Variants in NLGN4X observed in about 807,000 individuals in gnomAD.
NLGN4X encodes the protein neuroligin 4 X-linked, also known as neuroligin-4, X-linked.
In NLGN4X, 3 loss-of-function variants were observed where a neutral mutation model predicts 40.3. The ratio of observed to expected loss-of-function variants is 0.07; its 90% CI spans 0.03 to 0.19. NLGN4X has a LOEUF of 0.19. Among genes scored for constraint, NLGN4X ranks in the 10% least tolerant of loss-of-function variants. NLGN4X has a pLI of 1.00. For synonymous variants in NLGN4X, 270 were observed against 306.8 expected (o/e 0.88, Z 1.25); for missense variants, 382 against 708.3 (o/e 0.54, Z 5.23).
chrX:5,945,437 C>T (rs1435191235), intron 3 of NLGN4X, among the ~76,000 whole-genome samples: 1 of 112,176 alleles, frequency 8.9e-6, no homozygotes, highest in Non-Finnish European at 1.9e-5. Flanking sequence ...AAGGTCCCGG[C>T]ATAAGAAAGT....
chrX:6,177,875 T>G (rs1196515040), intron 1 of NLGN4X, among the ~76,000 whole-genome samples: 3 of 109,253 alleles, frequency 2.7e-5, no homozygotes, highest in African/African-American at 6.7e-5. Flanking sequence ...GGTGATGAGG[T>G]CATGAGGTTG....
At chrX:5,907,853 T>A (rs190371085) in intron 4 of NLGN4X, among the ~76,000 whole-genome samples, 2 of 102,689 alleles carry the variant, frequency 1.9e-5, no homozygotes, top group Non-Finnish European at 3.9e-5. Flanking sequence ...TTGGTGAAAG[T>A]CATATTTGCA....
intron 2 of NLGN4X, among the ~76,000 whole-genome samples, chrX:6,093,536 G>A (rs1364810805): frequency 9.0e-6 from 1 of 111,059 alleles, no homozygotes; most frequent in African/African-American, 3.3e-5. Flanking sequence ...AAGGAAATCC[G>A]AAAGATTAAA....
At chrX:6,093,072 T>C (rs2038681041) in intron 2 of NLGN4X, among the ~76,000 whole-genome samples, 1 of 110,393 alleles carries the variant, frequency 9.1e-6, no homozygotes, top group Non-Finnish European at 1.9e-5. Flanking sequence ...AAATCAATAT[T>C]GACATGAAAC....
intron 1 of NLGN4X, among the ~76,000 whole-genome samples, chrX:6,180,950 A>C (rs1032907846): frequency 4.5e-5 from 5 of 111,586 alleles, no homozygotes; most frequent in African/African-American, 1.3e-4. Context: ...TTTTTCTTTA[A>C]GTAAAGCGAA....
rs976516252 is a variant in NLGN4X at position 5,890,105 on chromosome X, G to A, written c.*2712C>T. The A allele has an allele frequency of 5.0e-5, 11 of 218,674 alleles. No individual in the cohort carries two copies. Among genetic ancestry groups the A allele is most frequent in the Non-Finnish European group, 7.4e-5 (9 of 121,314 alleles). The allele number at this position is 218,674 out of a possible 1,213,427, so 18.0% of individuals were successfully genotyped here. ...CTGAAAAGTTTATACATATGTGTCC[G>A]GCCATATATATCTTCTATCATTACT... is the stretch of plus-strand genomic sequence containing the variant. On this transcript the variant is annotated 3_prime_UTR_variant, in exon 6 of 6. Coordinates refer to ENST00000381095, the MANE Select transcript of NLGN4X (RefSeq NM_181332.3).
intron 3 of NLGN4X, among the ~76,000 whole-genome samples, chrX:5,958,768 A>G (rs1171652269): frequency 8.9e-6 from 1 of 111,766 alleles, no homozygotes; most frequent in East Asian, 2.8e-4. Flanking sequence ...GCATTTCCCT[A>G]TGTAGAAACC....
chrX:6,142,003 T>C (rs756781708), intron 2 of NLGN4X, among the ~76,000 whole-genome samples: 26 of 111,260 alleles, frequency 2.3e-4, no homozygotes, highest in Non-Finnish European at 4.0e-4. Context: ...GGCCAAATAT[T>C]CCAGTGGACT....
chrX:5,939,174 G>A (rs2033832555), intron 3 of NLGN4X, among the ~76,000 whole-genome samples: 1 of 111,276 alleles, frequency 9.0e-6, no homozygotes, highest in South Asian at 3.8e-4. Flanking sequence ...AACAGAAAGA[G>A]GAGTACCTCA....
intron 3 of NLGN4X, among the ~76,000 whole-genome samples, chrX:5,949,200 A>T (rs6529903): frequency 0.26 from 28,973 of 111,036 alleles, 3,172 homozygotes; most frequent in African/African-American, 0.42. Context: ...GTTCAACTCA[A>T]TTTGCAAGAG....
chrX:6,076,289 T>C (rs1292517508), intron 2 of NLGN4X, among the ~76,000 whole-genome samples: 1 of 112,028 alleles, frequency 8.9e-6, no homozygotes, highest in East Asian at 2.8e-4. Context: ...ACACCCAAAA[T>C]GTAAATACTC....
At chrX:5,967,826 T>C (rs1336841667) in intron 3 of NLGN4X, among the ~76,000 whole-genome samples, 3 of 111,044 alleles carry the variant, frequency 2.7e-5, no homozygotes, top group Admixed American at 9.6e-5. Flanking sequence ...GCTGGTCCTG[T>C]GATACCAAGC....
At chrX:5,924,972 G>A (rs1175326868) in intron 3 of NLGN4X, among the ~76,000 whole-genome samples, 1 of 109,875 alleles carries the variant, frequency 9.1e-6, no homozygotes, top group African/African-American at 3.3e-5. Flanking sequence ...ACTCATGTAA[G>A]CAAATACCAC....
chrX:5,942,437 T>A (rs973118253), intron 3 of NLGN4X, among the ~76,000 whole-genome samples: 11 of 111,138 alleles, frequency 9.9e-5, no homozygotes, highest in African/African-American at 3.0e-4. Flanking sequence ...ATGCCTGGAA[T>A]CCCAGCACTT....
intron 1 of NLGN4X, among the ~76,000 whole-genome samples, chrX:6,158,546 CAAT>C (rs976639676): frequency 3.6e-5 from 4 of 111,894 alleles, no homozygotes; most frequent in African/African-American, 1.3e-4. Context: ...TACAAACAAA[CAAT>C]GATACCAAGT....
rs371223344 is a variant in NLGN4X, at chrX:6,218,474, C to CCACA, written c.-306+10063_-306+10066dup. On this transcript the variant is annotated intron_variant, in intron 1 of 5. Coordinates refer to ENST00000381095, the MANE Select transcript of NLGN4X (RefSeq NM_181332.3). ...TGAAATAGGACATGAGAGATTAAAC[C>CCACA]CACACACACACACACACACACACAC... Among the ~76,000 whole-genome samples the CCACA allele has an allele frequency of 0.037, 1,738 of 46,943 alleles. 109 individuals are homozygous for CCACA. The East Asian group carries it at 0.38, about 10-fold the overall frequency. 40.8% of individuals were successfully genotyped at this position (46,943 alleles called of 115,157 possible).
At chrX:6,091,398 C>T (rs2038636896) in intron 2 of NLGN4X, among the ~76,000 whole-genome samples, 1 of 111,222 alleles carries the variant, frequency 9.0e-6, no homozygotes, top group African/African-American at 3.3e-5. Flanking sequence ...AAGATCCCTT[C>T]TTATGTCTCC....
rs146428630 is a variant in NLGN4X, at chrX:6,153,144, C to T, written c.-305-1373G>A. Among the ~76,000 whole-genome samples, 22 of 111,834 alleles carry T rather than the reference C, an allele frequency of 2.0e-4. No individual in the cohort carries two copies. The East Asian group carries it at 2.8e-3, about 14-fold the overall frequency. On this transcript the variant is annotated intron_variant, in intron 1 of 5. Transcript: ENST00000381095. Reference sequence around the variant, plus strand: ...GGATTTTGTGGGTTATTCAGAGCATCTGCATCAGAAAATAATTATCCATTT... The same window carrying T: ...GGATTTTGTGGGTTATTCAGAGCATTTGCATCAGAAAATAATTATCCATTT...
rs7890117 is a variant in NLGN4X, at chrX:6,035,179, A to G, written c.473-5747T>C. On this transcript the variant is annotated intron_variant, in intron 2 of 5. Coordinates refer to ENST00000381095, the MANE Select transcript of NLGN4X (RefSeq NM_181332.3). ...AAGTGGTTTGTTTACATATTTTCTA[A>G]ATAAAAGTCTTTTATTGGGAATATG... Among the ~76,000 whole-genome samples, 898 of 112,028 alleles carry G rather than the reference A, an allele frequency of 8.0e-3. 6 individuals are homozygous for G. The highest frequency in any genetic ancestry group is 0.028 in the African/African-American group (863 of 30,821).
Sources: allele counts gnomAD v4.1 joint callset (sites outside exome capture counted in the v4.1 genomes callset), GRCh38; gene constraint gnomAD v4.1.1; transcripts MANE v1.5; gene names NCBI Gene and HGNC (gene_info 2026-07-23, HGNC 2026-07-21).